RIF1: variants seen among roughly 807,000 people sequenced by gnomAD.
RIF1 encodes telomere-associated protein RIF1.
Under a neutral mutation model 247.1 loss-of-function variants are expected in RIF1, and 45 were observed. The ratio of observed to expected loss-of-function variants is 0.18; its 90% CI spans 0.14 to 0.23. The LOEUF (loss-of-function observed/expected upper bound fraction) is 0.23. RIF1 is among the 10% of genes least tolerant of loss of function. The pLI, the probability that RIF1 is intolerant of heterozygous loss-of-function variation, is 1.00. For missense variants in RIF1, 2,967 were observed against 2,862.5 expected (o/e 1.04, Z -0.83); for synonymous variants, 1,087 against 978.8 (o/e 1.11, Z -2.06).
chr2:151,480,239 ACT>A lies in RIF1; in HGVS notation c.*5171_*5172del, dbSNP rs1193722862. The stretch of plus-strand genomic sequence containing the variant: ...TGTTGATGTCACAAGTAAGAAAAAA[ACT>A]CTAACTTTTGTACTCTACTTGTAGC... On this transcript the variant is annotated 3_prime_UTR_variant, in exon 36 of 36. Coordinates refer to ENST00000444746, the MANE Select transcript of RIF1 (RefSeq NM_018151.5). The A allele has an allele frequency of 1.3e-5, 2 of 152,152 alleles. No individual in the cohort carries two copies. Among genetic ancestry groups the A allele is most frequent in the Non-Finnish European group, 2.9e-5 (2 of 68,018 alleles). The allele number at this position is 152,152 out of a possible 1,614,324, so 9.4% of individuals were successfully genotyped here. A position where few individuals can be genotyped will look rare whatever the true frequency, so the allele number is the denominator to read the frequency against.
intron 35 of RIF1, 130 bp downstream of exon 35, chr2:151,474,202 A>G (rs1051284741): frequency 1.1e-4 from 70 of 626,156 alleles, no homozygotes; most frequent in Non-Finnish European, 3.7e-5. Context: ...TGTGAAGTAT[A>G]TGAAAAACTA....
chr2:151,458,233 T>TA (rs1433288064), intron 24 of RIF1, among the ~76,000 whole-genome samples: 1 of 143,640 alleles, frequency 7.0e-6, no homozygotes, highest in Non-Finnish European at 1.5e-5. Flanking sequence ...ATGATTTTTT[T>TA]TTTTTTTTTT....
chr2:151,491,614 A>T (rs1574618694), intron 9 of RIF1: 2 of 1,298,978 alleles, frequency 1.5e-6, no homozygotes, highest in East Asian at 5.1e-5. Context: ...CAGAGCCCAA[A>T]TGAAAGTCAT....
At chr2:151,446,339 T>TA in intron 19 of RIF1, 87 bp from the exon 20 acceptor site, 1 of 1,281,554 alleles carries the variant, frequency 7.8e-7, no homozygotes, top group Non-Finnish European at 1.1e-6. Context: ...GCAGTGTTTT[T>TA]AAAAAATGTT....
chr2:151,473,116 T>A (rs940064172), intron 34 of RIF1, among the ~76,000 whole-genome samples: 1 of 152,126 alleles, frequency 6.6e-6, no homozygotes, highest in Admixed American at 6.6e-5. Context: ...TGCTGCTGTG[T>A]CTGCAAGTTT....
intron 26 of RIF1, among the ~76,000 whole-genome samples, chr2:151,460,621 T>C (rs1226414945): frequency 1.3e-5 from 2 of 152,210 alleles, no homozygotes; most frequent in Admixed American, 1.3e-4. Flanking sequence ...TCTAGAATCT[T>C]GAGACCATGG....
intron 13 of RIF1, chr2:151,507,696 G>A (rs1235534802): frequency 2.1e-5 from 6 of 290,886 alleles, no homozygotes; most frequent in Non-Finnish European, 3.2e-5. Context: ...AATAAATTGT[G>A]TGTCTCTCTT....
intron 13 of RIF1, among the ~76,000 whole-genome samples, chr2:151,438,059 C>T (rs548691743): frequency 2.2e-4 from 33 of 152,186 alleles, no homozygotes; most frequent in Admixed American, 5.9e-4. Flanking sequence ...TCTGAATCTC[C>T]GTGAACAATC....
rs376493793 is a variant in RIF1 at position 151,457,741 on chromosome 2, T to C, written c.2653-20T>C. ...TAATATTTAGTATATGTTTTGCTTT[T>C]ATTTTTTCGTTTTTCCTAGTTAGAA... is the stretch of plus-strand genomic sequence containing the variant. On this transcript the variant is annotated intron_variant, in intron 23 of 35. Coordinates refer to ENST00000444746, the MANE Select transcript of RIF1 (RefSeq NM_018151.5). 3 of 1,590,094 alleles carry C rather than the reference T, an allele frequency of 1.9e-6. No homozygotes were observed. The highest frequency in any genetic ancestry group is 2.7e-5 in the African/African-American group (2 of 74,444).
chr2:151,421,417 TGTACCTGGTTG>T (rs1688144655), intron 7 of RIF1, among the ~76,000 whole-genome samples: 2 of 152,208 alleles, frequency 1.3e-5, no homozygotes, highest in African/African-American at 4.8e-5. Context: ...CTAATGGTTG[TGTACCTGGTTG>T]GTGTTCTGGG....
At chr2:151,495,405 A>C (rs2059528830) in intron 10 of RIF1, 1 of 152,214 alleles carries the variant, frequency 6.6e-6, no homozygotes, top group African/African-American at 2.4e-5. Context: ...AAACTAGAGC[A>C]GGACCCAGCA....
rs1694959038 is a variant in RIF1 at position 151,455,046 on chromosome 2, C to T, written c.2496C>T (p.Asn832=). ...AHSDTLFTIG[N]SITGIISSVL... is the part of the protein sequence containing the mutation. ...CTGATACCCTCTTCACTATTGGCAA[C>T]TCAATCACCGGCATTATTTCCAGTG... Residue 832 remains asparagine (N), a synonymous_variant, in exon 22 of 36, where the codon AAC becomes AAT. Transcript: ENST00000444746. 1 of 1,613,792 alleles carries T rather than the reference C, an allele frequency of 6.2e-7. No individual in the cohort carries two copies. Among genetic ancestry groups the T allele is most frequent in the Non-Finnish European group, 8.5e-7 (1 of 1,179,864 alleles).
At chr2:151,440,976 T>C (rs548722057) in intron 15 of RIF1, among the ~76,000 whole-genome samples, 1 of 152,320 alleles carries the variant, frequency 6.6e-6, no homozygotes, top group Non-Finnish European at 1.5e-5. Context: ...ATTTAAGTTA[T>C]GTAGTGCATG....
chr2:151,458,806 T>G lies in RIF1; in HGVS notation c.2856-5T>G. 6.3e-7 allele frequency: 1 copy of G among 1,578,998 alleles called. No individual in the cohort carries two copies. Among genetic ancestry groups the G allele is most frequent in the Non-Finnish European group, 8.7e-7 (1 of 1,153,860 alleles). ...AAGGTATATATTTTATGTACTTTTT[T>G]AAAGACCAGTACTAACACAAGCCAA... On this transcript the variant is annotated splice_region_variant and splice_polypyrimidine_tract_variant and intron_variant, in intron 24 of 35. Transcript: ENST00000444746.
At chr2:151,502,982 G>T in intron 11 of RIF1, 1 of 697,688 alleles carries the variant, frequency 1.4e-6, no homozygotes, top group Non-Finnish European at 2.4e-6. Flanking sequence ...TGAGGAGGCA[G>T]TTTTTTAGTA....
Position 151,446,431 on chromosome 2 carries a change from C to T in RIF1, c.2100C>T (p.Thr700=). 1 of 1,613,838 alleles carries T rather than the reference C, an allele frequency of 6.2e-7. No individual in the cohort carries two copies. Among genetic ancestry groups the T allele is most frequent in the Non-Finnish European group, 8.5e-7 (1 of 1,179,920 alleles). Reference sequence around the variant, plus strand: ...TTTTTTGTTGTTATTGGTAGGCCACCATGAAGACTTTGCTTAGAACTTGGT... The same window carrying T: ...TTTTTTGTTGTTATTGGTAGGCCACTATGAAGACTTTGCTTAGAACTTGGT... ...IFSEQRFPVA[T]MKTLLRTWSE... is the part of the protein sequence containing the mutation. The change falls in exon 20 of 36, where the codon ACC becomes ACT. Residue 700 remains threonine (T), a synonymous_variant. Transcript: ENST00000444746.
chr2:151,456,747 C>T lies in RIF1; in HGVS notation c.2652+127C>T, dbSNP rs1214386892. 4.7e-5 allele frequency: 26 copies of T among 547,534 alleles called. 1 individual carries two copies. Among genetic ancestry groups the T allele is most frequent in the South Asian group, 2.6e-5 (1 of 38,438 alleles). 33.9% of individuals were successfully genotyped at this position (547,534 alleles called of 1,614,324 possible). On this transcript the variant is annotated intron_variant, in intron 23 of 35. Transcript: ENST00000444746. ...TATTCCTTCTTTCTTTCTTTTTTTC[C>T]TGGAGACAGCATTTTGCTCTTGTCA...
chr2:151,494,248 C>T lies in RIF1; in HGVS notation c.*416-981C>T, dbSNP rs746579007. ...TGGCTTTCCCCACATTTTCTTTGTA[C>T]AAAACCTATGGGAATCCAATGGGTC... On this transcript the variant is annotated intron_variant and NMD_transcript_variant, in intron 9 of 13. Transcript: ENST00000454583. The T allele has an allele frequency of 1.3e-6, 2 of 1,594,226 alleles. No homozygotes were observed. Among genetic ancestry groups the T allele is most frequent in the East Asian group, 4.5e-5 (2 of 44,542 alleles).
At chr2:151,447,040 T>C (rs1031329744) in intron 20 of RIF1, among the ~76,000 whole-genome samples, 1 of 149,450 alleles carries the variant, frequency 6.7e-6, no homozygotes, top group Non-Finnish European at 1.5e-5. Context: ...GCCTCCCGGG[T>C]TCACGCCATT....
Sources: gnomAD v4.1 joint callset for allele counts (sites outside exome capture counted in the v4.1 genomes callset) on GRCh38, gnomAD v4.1.1 for gene constraint, MANE v1.5 for transcripts, NCBI Gene and HGNC (gene_info 2026-07-23, HGNC 2026-07-21) for gene names.